The following NIPAL2 variants were observed in gnomAD, a reference collection of about 807,000 sequenced individuals.
NIPAL2 encodes NIPA-like protein 2.
Under a neutral mutation model 48.9 loss-of-function variants are expected in NIPAL2, and 43 were observed. That is an observed-to-expected ratio of 0.88 (90% CI 0.69 to 1.13). The LOEUF is 1.13. Among genes scored for constraint, NIPAL2 ranks in the 50% most tolerant of loss-of-function variants. The pLI is 0.00. For missense variants in NIPAL2, 446 were observed against 461.4 expected (o/e 0.97, Z 0.31); for synonymous variants, 167 against 174.6 (o/e 0.96, Z 0.34).
intron 2 of NIPAL2, among the ~76,000 whole-genome samples, chr8:98,253,618 G>GA (rs969389357): frequency 1.3e-5 from 2 of 151,912 alleles, no homozygotes; most frequent in African/African-American, 2.4e-5. Flanking sequence ...AAAGAAAGGG[G>GA]AAAAAAACCC....
At position 98,246,116 on chromosome 8, in the gene NIPAL2, GT is replaced by G. The variant is rs555894260; in HGVS notation, c.376+6346del. 1.6e-4 allele frequency among the ~76,000 whole-genome samples: 25 copies of G among 152,248 alleles called. No individual in the cohort carries two copies. In the South Asian group the frequency reaches 5.0e-3, roughly 30 times the overall value. ...GTCACTTGCTCATTGGTCTGTTTAT[GT>G]TTCCTTTCATTTGTTTCTAATAAAA... On this transcript the variant is annotated intron_variant, in intron 3 of 10. Coordinates refer to ENST00000430223, the MANE Select transcript of NIPAL2 (RefSeq NM_001321635.2).
chr8:98,236,474 C>T (rs1189764819), intron 3 of NIPAL2, among the ~76,000 whole-genome samples: 1 of 151,434 alleles, frequency 6.6e-6, no homozygotes, highest in Non-Finnish European at 1.5e-5. Context: ...TGCTAAAAGA[C>T]AGAACAAATG....
Position 98,205,197 on chromosome 8 carries a change from A to C in NIPAL2, c.705T>G (p.Phe235Leu). 6.2e-7 allele frequency: 1 copy of C among 1,613,682 alleles called. No homozygotes were observed. Among genetic ancestry groups the C allele is most frequent in the Non-Finnish European group, 8.5e-7 (1 of 1,179,708 alleles). ...TTAGTTGCATTTTATCCATCACAGA[A>C]AAAGTGATCATGCCTGAGACGGCCT... ...SVKAVSGMIT[F>L]SVMDKMQLTY... Residue 235 changes from phenylalanine to leucine, a missense_variant, in exon 7 of 11, where the codon TTT becomes TTG. Phe to Leu is a conservative substitution (Grantham distance 22). Coordinates refer to ENST00000430223, the MANE Select transcript of NIPAL2 (RefSeq NM_001321635.2).
chr8:98,285,098 C>G (rs2130910791), intron 1 of NIPAL2, among the ~76,000 whole-genome samples: 1 of 152,246 alleles, frequency 6.6e-6, no homozygotes, highest in African/African-American at 2.4e-5. Context: ...AAGGAGAGTA[C>G]TGTTCAGGTC....
intron 4 of NIPAL2, 97 bp downstream of exon 4, chr8:98,236,058 T>A (rs572246940): frequency 2.4e-6 from 2 of 846,640 alleles, no homozygotes; most frequent in African/African-American, 1.7e-5. Flanking sequence ...TTTCAGTAAT[T>A]TGTTTCCAGT....
intron 3 of NIPAL2, among the ~76,000 whole-genome samples, chr8:98,240,390 A>G (rs935830621): frequency 6.6e-6 from 1 of 152,240 alleles, no homozygotes; most frequent in Admixed American, 6.5e-5. Flanking sequence ...TAGTCCTAGC[A>G]GGTTAATAAA....
At chr8:98,249,515 A>G (rs144526696) in intron 3 of NIPAL2, among the ~76,000 whole-genome samples, 348 of 151,256 alleles carry the variant, frequency 2.3e-3, no homozygotes, top group African/African-American at 8.1e-3. Flanking sequence ...TATATGTCAT[A>G]CGTATATACA....
intron 3 of NIPAL2, among the ~76,000 whole-genome samples, chr8:98,237,537 T>C (rs1812780308): frequency 6.6e-6 from 1 of 151,930 alleles, no homozygotes; most frequent in East Asian, 1.9e-4. Context: ...CTAATGTAAA[T>C]CCACTGCTTT....
At chr8:98,270,658 T>A (rs1423770149) in intron 1 of NIPAL2, among the ~76,000 whole-genome samples, 4 of 152,190 alleles carry the variant, frequency 2.6e-5, no homozygotes, top group Admixed American at 2.6e-4. Context: ...GGTTTTTTAT[T>A]CTGTTGATAG....
intron 1 of NIPAL2, among the ~76,000 whole-genome samples, chr8:98,255,488 A>G (rs949179772): frequency 7.9e-5 from 12 of 152,360 alleles, no homozygotes; most frequent in African/African-American, 2.9e-4. Flanking sequence ...TTTTGTAGCA[A>G]TAAGACACCA....
At chr8:98,236,075 C>T (rs1052704507) in intron 4 of NIPAL2, 80 bp downstream of exon 4, 80 of 1,004,684 alleles carry the variant, frequency 8.0e-5, no homozygotes, top group East Asian at 4.4e-4. Flanking sequence ...CAGTTTTTAT[C>T]GCACATATTT....
At chr8:98,272,370 C>T (rs898340268) in intron 1 of NIPAL2, among the ~76,000 whole-genome samples, 4 of 151,838 alleles carry the variant, frequency 2.6e-5, no homozygotes, top group East Asian at 1.9e-4. Context: ...GACTGTGCTG[C>T]GAAAAATTGT....
intron 3 of NIPAL2, 122 bp from the exon 4 acceptor site, chr8:98,236,336 A>G: frequency 1.7e-6 from 1 of 600,016 alleles, no homozygotes; most frequent in Non-Finnish European, 2.9e-6. Flanking sequence ...GATCAGAGAC[A>G]TTCAGCAGTT....
At chr8:98,262,163 G>T (rs1194366470) in intron 1 of NIPAL2, among the ~76,000 whole-genome samples, 1 of 148,404 alleles carries the variant, frequency 6.7e-6, no homozygotes, top group African/African-American at 2.5e-5. Flanking sequence ...GGTACCAGCC[G>T]CTGCAAAATC....
intron 2 of NIPAL2, among the ~76,000 whole-genome samples, chr8:98,253,668 C>G (rs976208756): frequency 6.6e-6 from 1 of 152,040 alleles, no homozygotes; most frequent in Non-Finnish European, 1.5e-5. Flanking sequence ...AAAAAGTGTC[C>G]GAATCCCATC....
chr8:98,206,306 G>T (rs1586304927), intron 6 of NIPAL2, among the ~76,000 whole-genome samples: 1 of 147,344 alleles, frequency 6.8e-6, no homozygotes, highest in Non-Finnish European at 1.5e-5. Context: ...TTTTATGTAT[G>T]TGTGTGTGTG....
chr8:98,220,167 A>G (rs1457622253), intron 5 of NIPAL2, among the ~76,000 whole-genome samples: 1 of 152,176 alleles, frequency 6.6e-6, no homozygotes, highest in Non-Finnish European at 1.5e-5. Flanking sequence ...GTCAGAATAC[A>G]TATCAGAAAT....
intron 6 of NIPAL2, among the ~76,000 whole-genome samples, chr8:98,209,657 GCT>G (rs1811217360): frequency 6.6e-6 from 1 of 151,364 alleles, no homozygotes; most frequent in African/African-American, 2.4e-5. Flanking sequence ...AGTATGATTT[GCT>G]CTGTTTTATT....
intron 6 of NIPAL2, among the ~76,000 whole-genome samples, chr8:98,208,577 T>C (rs1811152931): frequency 6.6e-6 from 1 of 152,056 alleles, no homozygotes; most frequent in African/African-American, 2.4e-5. Flanking sequence ...GCCTCCTGAG[T>C]AGCTGAGATT....
Sources: gnomAD v4.1 joint callset for allele counts (sites outside exome capture counted in the v4.1 genomes callset) on GRCh38, gnomAD v4.1.1 for gene constraint, MANE v1.5 for transcripts, NCBI Gene and HGNC (gene_info 2026-07-23, HGNC 2026-07-21) for gene names.